Variants in SPATA6 observed in about 807,000 individuals in gnomAD.
SPATA6 encodes the protein spermatogenesis-associated protein 6.
In SPATA6, 56 loss-of-function variants were observed where a neutral mutation model predicts 65.3. That is an observed-to-expected ratio of 0.86 (90% CI 0.69 to 1.07). The LOEUF is 1.07. Ranked by LOEUF, SPATA6 falls within the 50% of genes least tolerant of loss-of-function variation. The pLI, the probability that SPATA6 is intolerant of heterozygous loss-of-function variation, is 0.00. For missense variants in SPATA6, 590 were observed against 594.8 expected, an observed-to-expected ratio of 0.99 and a Z score of 0.08; for synonymous variants, 199 against 213.2, an observed-to-expected ratio of 0.93 and a Z score of 0.58.
chr1:48,303,241 T>C (rs1432683848), intron 12 of SPATA6, among the ~76,000 whole-genome samples: 1 of 152,172 alleles, frequency 6.6e-6, no homozygotes, highest in Non-Finnish European at 1.5e-5. Flanking sequence ...AATTAGGATA[T>C]CACCTCAAAC....
Position 48,408,785 on chromosome 1 carries a change from C to G in SPATA6, c.405+2679G>C, listed in dbSNP as rs764853080. Among the ~76,000 whole-genome samples, 17 of 152,106 alleles carry G rather than the reference C, an allele frequency of 1.1e-4. 1 individual carries two copies. Among genetic ancestry groups the G allele is most frequent in the Admixed American group, 9.2e-4 (14 of 15,266 alleles). ...AGAGAGAGCTTGTGCAAAGAAATTC[C>G]CATTTTTTAAACCATCAGATCTCAT... On this transcript the variant is annotated intron_variant, in intron 5 of 12. Coordinates refer to ENST00000371847, the MANE Select transcript of SPATA6 (RefSeq NM_019073.4).
At chr1:48,335,638 T>C (rs970710711) in intron 11 of SPATA6, among the ~76,000 whole-genome samples, 1 of 152,126 alleles carries the variant, frequency 6.6e-6, no homozygotes, top group African/African-American at 2.4e-5. Context: ...CAACATAAGA[T>C]TGATTAAAGA....
rs537249255 is a variant in SPATA6 at position 48,433,029 on chromosome 1, A to T, written c.238+18523T>A. ...GCTATGTAAAATAAGCCAGTTTTTT[A>T]AAAAACACATAAATACAGCATGATT... On this transcript the variant is annotated intron_variant, in intron 3 of 12. Coordinates refer to ENST00000371847, the MANE Select transcript of SPATA6 (RefSeq NM_019073.4). Among the ~76,000 whole-genome samples, 51 of 152,306 alleles carry T rather than the reference A, an allele frequency of 3.3e-4. 1 individual carries two copies. In the South Asian group the frequency reaches 9.9e-3, roughly 30 times the overall value.
At chr1:48,325,778 G>C in intron 11 of SPATA6, 1 of 460,428 alleles carries the variant, frequency 2.2e-6, no homozygotes, top group South Asian at 2.1e-5. Flanking sequence ...TGCGTCAAAT[G>C]AGACCCTGGA....
At chr1:48,382,401 A>C (rs1209579911) in intron 9 of SPATA6, among the ~76,000 whole-genome samples, 14 of 134,306 alleles carry the variant, frequency 1.0e-4, no homozygotes, top group African/African-American at 3.8e-4. Context: ...ACTTCCCAGT[A>C]GGGGCGGCCG....
chr1:48,405,267 A>G (rs540017019), intron 5 of SPATA6, among the ~76,000 whole-genome samples: 7 of 152,344 alleles, frequency 4.6e-5, no homozygotes, highest in South Asian at 2.1e-4. Flanking sequence ...CTTCATAGTG[A>G]TATCTGTGAT....
intron 11 of SPATA6, among the ~76,000 whole-genome samples, chr1:48,307,202 A>C (rs1024787641): frequency 1.3e-5 from 2 of 151,510 alleles, no homozygotes; most frequent in African/African-American, 4.8e-5. Flanking sequence ...TAAAAATACA[A>C]CTACTAAAAC....
intron 9 of SPATA6, among the ~76,000 whole-genome samples, chr1:48,381,653 T>G (rs1176870737): frequency 2.8e-5 from 4 of 145,270 alleles, no homozygotes; most frequent in African/African-American, 2.5e-5. Flanking sequence ...TTTTTCTTTT[T>G]TTTTTTTTTT....
chr1:48,377,690 A>G (rs553287517), intron 9 of SPATA6, among the ~76,000 whole-genome samples: 12 of 152,292 alleles, frequency 7.9e-5, no homozygotes, highest in African/African-American at 2.9e-4. Flanking sequence ...TAGTTTTGCT[A>G]ATTTTCTATT....
chr1:48,376,857 G>T (rs1557636795), intron 9 of SPATA6, among the ~76,000 whole-genome samples: 1 of 152,100 alleles, frequency 6.6e-6, no homozygotes, highest in African/African-American at 2.4e-5. Context: ...AATGCTGTAA[G>T]CAATTTTAAC....
chr1:48,387,464 C>T (rs986457880), intron 8 of SPATA6, among the ~76,000 whole-genome samples: 10 of 152,170 alleles, frequency 6.6e-5, no homozygotes, highest in African/African-American at 2.4e-4. Flanking sequence ...ACATGCTCCC[C>T]ACCTGCCAGC....
Position 48,472,037 on chromosome 1 carries a change from C to T in SPATA6, c.-29G>A. ...TGCGGGGAGGGGCGGCGGGGAGTGA[C>T]CCCGGCCACGGGCCCGAGTGAGGCG... On this transcript the variant is annotated 5_prime_UTR_variant, in exon 1 of 13. Coordinates refer to ENST00000371847, the MANE Select transcript of SPATA6 (RefSeq NM_019073.4). The T allele has an allele frequency of 6.7e-7, 1 of 1,493,042 alleles. No individual in the cohort carries two copies. Among genetic ancestry groups the T allele is most frequent in the South Asian group, 1.3e-5 (1 of 78,018 alleles). 92.5% of individuals were successfully genotyped at this position (1,493,042 alleles called of 1,614,324 possible).
Position 48,317,100 on chromosome 1 carries a change from G to C in SPATA6, c.1195-11222C>G, listed in dbSNP as rs571241309. On this transcript the variant is annotated intron_variant, in intron 11 of 12. Coordinates refer to ENST00000371847, the MANE Select transcript of SPATA6 (RefSeq NM_019073.4). ...TGGTGGGACTGTAAACTAGTTCAAC[G>C]ATTGTGGAGGTCAGTGTGGTGATTC... Among the ~76,000 whole-genome samples the C allele has an allele frequency of 4.3e-3, 661 of 152,280 alleles. 3 individuals carry two copies. Among genetic ancestry groups the C allele is most frequent in the Admixed American group, 7.6e-3 (116 of 15,284 alleles).
In SPATA6 at chr1:48,296,277, A is replaced by G. The variant is rs1557515344; in HGVS notation, c.*2436T>C. On this transcript the variant is annotated 3_prime_UTR_variant, in exon 13 of 13. Transcript: ENST00000371847. ...AAAACAATACAGCATAAGCACTCAT[A>G]GTAGTAGTTACAGCAACATGGACCA... The G allele has an allele frequency of 6.6e-6, 1 of 152,136 alleles. No homozygotes were observed. The highest frequency in any genetic ancestry group is 1.9e-4 in the East Asian group (1 of 5,178). The allele number at this position is 152,136 out of a possible 1,614,324, so 9.4% of individuals were successfully genotyped here.
At chr1:48,317,288 C>G (rs551165938) in intron 11 of SPATA6, among the ~76,000 whole-genome samples, 140 of 152,244 alleles carry the variant, frequency 9.2e-4, no homozygotes, top group Admixed American at 2.7e-3. Context: ...AAATGTCCAA[C>G]AATGATAGAC....
chr1:48,322,874 T>A (rs184590002), intron 11 of SPATA6, among the ~76,000 whole-genome samples: 1 of 152,286 alleles, frequency 6.6e-6, no homozygotes, highest in African/African-American at 2.4e-5. Flanking sequence ...CAATGAGATA[T>A]CATCTCATGC....
At chr1:48,298,968 T>A in intron 12 of SPATA6, 75 bp from the exon 13 acceptor site, 4 of 1,422,500 alleles carry the variant, frequency 2.8e-6, no homozygotes, top group Non-Finnish European at 3.8e-6. Flanking sequence ...AATCAAATAT[T>A]TATTGAGTAC....
chr1:48,452,831 T>TA (rs1385447322), intron 2 of SPATA6, among the ~76,000 whole-genome samples, 163 bp downstream of exon 2: 2 of 152,238 alleles, frequency 1.3e-5, no homozygotes, highest in Non-Finnish European at 2.9e-5. Context: ...AATGCATATT[T>TA]AATGCAAATT....
chr1:48,378,907 TC>T (rs1557639287), intron 9 of SPATA6, among the ~76,000 whole-genome samples: 2 of 152,202 alleles, frequency 1.3e-5, no homozygotes, highest in Non-Finnish European at 2.9e-5. Flanking sequence ...GGTATACTAT[TC>T]AGCCTTTAAA....
Sources: allele counts gnomAD v4.1 joint callset (sites outside exome capture counted in the v4.1 genomes callset), GRCh38; gene constraint gnomAD v4.1.1; transcripts MANE v1.5; gene names NCBI Gene and HGNC (gene_info 2026-07-23, HGNC 2026-07-21).